The following DHRSX variants were observed in gnomAD, a reference collection of about 807,000 sequenced individuals.
The protein encoded by DHRSX is polyprenol dehydrogenase.
DHRSX carries 31 observed loss-of-function variants against 34.0 expected under a neutral mutation model. The observed-to-expected ratio is 0.91, with a 90% CI of 0.69 to 1.23. DHRSX has a LOEUF of 1.23. DHRSX is among the 50% of genes most tolerant of loss of function. DHRSX has a pLI of 0.00. For synonymous variants in DHRSX, 201 were observed against 183.8 expected (o/e 1.09, Z -0.76); for missense variants, 414 against 428.1 (o/e 0.97, Z 0.29).
At chrX:2,413,286 T>C (rs1054864505) in intron 2 of DHRSX, among the ~76,000 whole-genome samples, 55 of 152,292 alleles carry the variant, frequency 3.6e-4, no homozygotes, top group African/African-American at 1.3e-3. Flanking sequence ...TGACACCAAA[T>C]GTCAGTTTGA....
At chrX:2,470,535 C>G (rs1489104828) in intron 1 of DHRSX, among the ~76,000 whole-genome samples, 1 of 152,074 alleles carries the variant, frequency 6.6e-6, no homozygotes, top group Non-Finnish European at 1.5e-5. Context: ...TAGCAAGACC[C>G]CATCTCTACA....
At chrX:2,339,166 C>T (rs1473818198) in intron 3 of DHRSX, among the ~76,000 whole-genome samples, 1 of 151,862 alleles carries the variant, frequency 6.6e-6, no homozygotes, top group Non-Finnish European at 1.5e-5. Flanking sequence ...GACAGAGTCT[C>T]GCTCTGTCAG....
At position 2,413,411 on chromosome X, in the gene DHRSX, A is replaced by T. The variant is rs758433029; in HGVS notation, c.218-4598T>A. Reference sequence around the variant, plus strand: ...ACTATAATTAATATTTGAAAATTGCAAAGAGAGTAGATTTTAAGTGTTTCC... The same window carrying T: ...ACTATAATTAATATTTGAAAATTGCTAAGAGAGTAGATTTTAAGTGTTTCC... On this transcript the variant is annotated intron_variant, in intron 2 of 6. Transcript: ENST00000334651. 3.3e-5 allele frequency among the ~76,000 whole-genome samples: 5 copies of T among 152,264 alleles called. No individual in the cohort carries two copies. In the South Asian group the frequency reaches 6.2e-4, roughly 19 times the overall value.
chrX:2,259,315 TATATAGATAG>T (rs2041323934), intron 5 of DHRSX, among the ~76,000 whole-genome samples: 1 of 146,760 alleles, frequency 6.8e-6, no homozygotes, highest in Admixed American at 6.9e-5. Flanking sequence ...TAGATATAGA[TATATAGATAG>T]ATATAGATAT....
intron 1 of DHRSX, chrX:2,487,590 G>C (rs1331649764): frequency 1.3e-5 from 2 of 152,008 alleles, no homozygotes; most frequent in Non-Finnish European, 2.9e-5. Context: ...GGCTGGTCTC[G>C]AACTCCTGAC....
intron 3 of DHRSX, among the ~76,000 whole-genome samples, chrX:2,324,769 CTTT>C (rs570670358): frequency 3.1e-5 from 4 of 131,010 alleles, no homozygotes; most frequent in Non-Finnish European, 4.9e-5. Flanking sequence ...TTTTTCTTTT[CTTT>C]TTTTTTTTTT....
chrX:2,331,436 G>GTTTTTGTTTTTTTT (rs2042472014), intron 3 of DHRSX, among the ~76,000 whole-genome samples: 1 of 94,658 alleles, frequency 1.1e-5, no homozygotes, highest in Non-Finnish European at 2.2e-5. Context: ...AGGTTTTTTG[G>GTTTTTGTTTTTTTT]TTTTTTTTTT....
intron 3 of DHRSX, among the ~76,000 whole-genome samples, chrX:2,383,010 A>C (rs2043230596): frequency 6.6e-6 from 1 of 151,294 alleles, no homozygotes; most frequent in African/African-American, 2.4e-5. Context: ...CATCACCAAC[A>C]TCATTATCAT....
At chrX:2,399,440 C>CTA (rs2043457004) in intron 3 of DHRSX, among the ~76,000 whole-genome samples, 1 of 149,964 alleles carries the variant, frequency 6.7e-6, no homozygotes, top group African/African-American at 2.5e-5. Context: ...GGCGTGATAG[C>CTA]TCACGCCTGT....
chrX:2,270,728 T>C (rs2041539564), intron 4 of DHRSX, among the ~76,000 whole-genome samples: 2 of 152,154 alleles, frequency 1.3e-5, no homozygotes, highest in Admixed American at 1.3e-4. Flanking sequence ...TCTGCTGCTT[T>C]TGAGACGTGA....
Position 2,455,917 on chromosome X carries a change from C to T in DHRSX, c.110-30613G>A, listed in dbSNP as rs777669878. On this transcript the variant is annotated intron_variant, in intron 1 of 6. Coordinates refer to ENST00000334651, the MANE Select transcript of DHRSX (RefSeq NM_145177.3). ...ACCAACGTTGAGTGTCAAAAGGATT[C>T]CTTTCAATGTAGAAGGTGCATGCCT... 3.9e-5 allele frequency among the ~76,000 whole-genome samples: 6 copies of T among 152,118 alleles called. No individual in the cohort carries two copies. The East Asian group carries it at 1.2e-3, about 29-fold the overall frequency.
At chrX:2,336,573 A>T (rs950228996) in intron 3 of DHRSX, among the ~76,000 whole-genome samples, 6 of 151,828 alleles carry the variant, frequency 4.0e-5, no homozygotes, top group African/African-American at 1.2e-4. Flanking sequence ...TAATTTAGAG[A>T]ACATATTCAC....
intron 3 of DHRSX, among the ~76,000 whole-genome samples, chrX:2,298,394 TAA>T (rs770643932): frequency 1.9e-4 from 25 of 132,436 alleles, no homozygotes; most frequent in African/African-American, 7.1e-4. Flanking sequence ...GGTCTTTTGT[TAA>T]AAAAAAAAAA....
chrX:2,320,585 C>T (rs190226006), intron 3 of DHRSX, among the ~76,000 whole-genome samples: 28 of 144,978 alleles, frequency 1.9e-4, no homozygotes, highest in African/African-American at 6.9e-4. Context: ...CATGAGCCAC[C>T]GTGCCTGGCC....
chrX:2,382,993 T>G lies in DHRSX; in HGVS notation c.286+25752A>C, dbSNP rs867816473. Among the ~76,000 whole-genome samples, 163 of 120,866 alleles carry G rather than the reference T, an allele frequency of 1.3e-3. 2 individuals are homozygous for G. The highest frequency in any genetic ancestry group is 2.0e-3 in the Non-Finnish European group (111 of 55,172). The allele number at this position is 120,866 out of a possible 152,430, so 79.3% of individuals were successfully genotyped here. ...ACCATCATCACCATCATCAGCAGCA[T>G]CATCACCATCACCAACATCATTATC... On this transcript the variant is annotated intron_variant, in intron 3 of 6. Coordinates refer to ENST00000334651, the MANE Select transcript of DHRSX (RefSeq NM_145177.3).
chrX:2,233,949 T>C (rs905276225), intron 6 of DHRSX, among the ~76,000 whole-genome samples: 3 of 152,214 alleles, frequency 2.0e-5, no homozygotes, highest in Admixed American at 6.5e-5. Flanking sequence ...AACACTCTTA[T>C]GTGATATTAT....
chrX:2,455,631 C>T (rs1304625953), intron 1 of DHRSX, among the ~76,000 whole-genome samples: 2 of 150,466 alleles, frequency 1.3e-5, no homozygotes, highest in East Asian at 2.0e-4. Context: ...ATCCCAGCTA[C>T]GTGACAGGCT....
intron 5 of DHRSX, among the ~76,000 whole-genome samples, chrX:2,262,727 C>G (rs180996067): frequency 2.2e-4 from 34 of 152,334 alleles, no homozygotes; most frequent in African/African-American, 7.9e-4. Flanking sequence ...TTCAGCTGCC[C>G]GGAGAAGATG....
chrX:2,239,363 C>T lies in DHRSX; in HGVS notation c.804+3660G>A, dbSNP rs779423974. ...GCCAGTGATTGTGTCATAATTCCAGCGCACAAGACCAACCTGGGCGAACAG... is the reference window on the plus strand; with the variant it reads ...GCCAGTGATTGTGTCATAATTCCAGTGCACAAGACCAACCTGGGCGAACAG... On this transcript the variant is annotated intron_variant, in intron 6 of 6. Transcript: ENST00000334651. Among the ~76,000 whole-genome samples the T allele has an allele frequency of 1.1e-4, 16 of 149,860 alleles. No individual in the cohort carries two copies. In the South Asian group the frequency reaches 1.9e-3, roughly 18 times the overall value.
Sources: gnomAD v4.1 joint callset for allele counts (sites outside exome capture counted in the v4.1 genomes callset) on GRCh38, gnomAD v4.1.1 for gene constraint, MANE v1.5 for transcripts, NCBI Gene and HGNC (gene_info 2026-07-23, HGNC 2026-07-21) for gene names.